Variants in CPPED1 observed in about 807,000 individuals in gnomAD.
CPPED1 encodes calcineurin like phosphoesterase domain containing 1, also known as serine/threonine-protein phosphatase CPPED1.
CPPED1 carries 28 observed loss-of-function variants against 28.0 expected under a neutral mutation model. The ratio of observed to expected loss-of-function variants is 1.00; its 90% CI spans 0.74 to 1.37. CPPED1 has a LOEUF of 1.37. CPPED1 is among the 40% of genes most tolerant of loss of function. The pLI, the probability that CPPED1 is intolerant of heterozygous loss-of-function variation, is 0.00. For missense variants in CPPED1, 504 were observed against 416.5 expected, an observed-to-expected ratio of 1.21 and a Z score of -1.83; for synonymous variants, 198 against 180.2, an observed-to-expected ratio of 1.10 and a Z score of -0.79.
Position 12,742,110 on chromosome 16 carries a change from T to C in CPPED1, c.290-37061A>G, listed in dbSNP as rs563570603. On this transcript the variant is annotated intron_variant, in intron 2 of 3. Coordinates refer to ENST00000381774, the MANE Select transcript of CPPED1 (RefSeq NM_018340.3). The stretch of plus-strand genomic sequence containing the variant: ...ATAAATAAATAAAATACTGCAAAAA[T>C]AGATATATTCTTACAAATACATGAA... Among the ~76,000 whole-genome samples the C allele has an allele frequency of 6.8e-4, 103 of 152,110 alleles. 1 individual carries two copies. The highest frequency in any genetic ancestry group is 2.1e-3 in the African/African-American group (86 of 41,500).
At position 12,670,493 on chromosome 16, in the gene CPPED1, T is replaced by C. The variant is rs1295710078; in HGVS notation, c.716-5378A>G. Reference sequence around the variant, plus strand: ...CATCCTGACTTCTGTTCAAAGAGTATAGTTTAAAGAGAAGGTTAAAAAAAA... The same window carrying C: ...CATCCTGACTTCTGTTCAAAGAGTACAGTTTAAAGAGAAGGTTAAAAAAAA... On this transcript the variant is annotated intron_variant, in intron 3 of 3. Coordinates refer to ENST00000381774, the MANE Select transcript of CPPED1 (RefSeq NM_018340.3). The surrounding 1 kb of genome is among the most constrained non-coding windows in gnomAD (Gnocchi z 4.2). 1.3e-5 allele frequency among the ~76,000 whole-genome samples: 2 copies of C among 151,662 alleles called. No individual in the cohort carries two copies. The highest frequency in any genetic ancestry group is 4.9e-5 in the African/African-American group (2 of 41,202).
chr16:12,766,262 G>T (rs189503839), intron 2 of CPPED1, among the ~76,000 whole-genome samples: 3,499 of 118,192 alleles, frequency 0.03, 225 homozygotes, highest in African/African-American at 0.11. Context: ...TATATAGAGA[G>T]AGAGAGAGAG....
chr16:12,789,411 C>T (rs2080583250), intron 1 of CPPED1, among the ~76,000 whole-genome samples: 1 of 152,196 alleles, frequency 6.6e-6, no homozygotes, highest in South Asian at 2.1e-4. Flanking sequence ...CTGCCACAGA[C>T]ATCACTCGCC....
In CPPED1 at chr16:12,664,396, C is replaced by CT; in HGVS notation, c.*489dup. 2 of 1,006,164 alleles carry CT rather than the reference C, an allele frequency of 2.0e-6. No homozygotes were observed. The highest frequency in any genetic ancestry group is 1.2e-6 in the Non-Finnish European group (1 of 844,364). The allele number at this position is 1,006,164 out of a possible 1,614,324, so 62.3% of individuals were successfully genotyped here. On this transcript the variant is annotated 3_prime_UTR_variant, in exon 4 of 4. Coordinates refer to ENST00000381774, the MANE Select transcript of CPPED1 (RefSeq NM_018340.3). The surrounding 1 kb of genome is among the most constrained non-coding windows in gnomAD (Gnocchi z 4.2). ...ATGGCTCTCACAACAAGGGAGACAGCTGTTCGTTCCGCTGGAAAGGAAAGG... is the reference window on the plus strand; with the variant it reads ...ATGGCTCTCACAACAAGGGAGACAGCTTGTTCGTTCCGCTGGAAAGGAAAGG...
chr16:12,767,656 C>T (rs2080447061), intron 2 of CPPED1, among the ~76,000 whole-genome samples: 1 of 152,176 alleles, frequency 6.6e-6, no homozygotes, highest in Admixed American at 6.5e-5. Context: ...GGTAAAGAAA[C>T]CTACGCCGAG....
chr16:12,768,794 T>C (rs1465933735), intron 2 of CPPED1, among the ~76,000 whole-genome samples: 6 of 152,348 alleles, frequency 3.9e-5, no homozygotes, highest in Admixed American at 3.3e-4. Context: ...CATGGATTTT[T>C]TTTCCCATCA....
intron 2 of CPPED1, among the ~76,000 whole-genome samples, chr16:12,767,658 T>G (rs2080447073): frequency 6.6e-6 from 1 of 152,174 alleles, no homozygotes; most frequent in African/African-American, 2.4e-5. Context: ...TAAAGAAACC[T>G]ACGCCGAGAA....
chr16:12,674,895 T>C (rs1315674718), intron 3 of CPPED1, among the ~76,000 whole-genome samples: 1 of 152,130 alleles, frequency 6.6e-6, no homozygotes, highest in Non-Finnish European at 1.5e-5. Flanking sequence ...GGGGGGAGCA[T>C]GGGTGTCAGT....
At chr16:12,784,842 AT>A (rs2080553426) in intron 1 of CPPED1, among the ~76,000 whole-genome samples, 1 of 152,254 alleles carries the variant, frequency 6.6e-6, no homozygotes, top group Non-Finnish European at 1.5e-5. Context: ...AATAGTCAGA[AT>A]TTCAAAAAGT....
At chr16:12,701,225 T>C (rs925395593) in intron 3 of CPPED1, among the ~76,000 whole-genome samples, 11 of 151,026 alleles carry the variant, frequency 7.3e-5, no homozygotes, top group Non-Finnish European at 3.0e-5. Context: ...TAAGACTCCA[T>C]CTCAAGAAAA....
intron 3 of CPPED1, among the ~76,000 whole-genome samples, chr16:12,667,006 G>A (rs182191273): frequency 4.0e-5 from 6 of 150,844 alleles, no homozygotes; most frequent in South Asian, 2.2e-4. Context: ...TGACTTCCCC[G>A]ATATTACCAT....
chr16:12,767,283 C>T (rs2080445102), intron 2 of CPPED1, among the ~76,000 whole-genome samples: 1 of 152,154 alleles, frequency 6.6e-6, no homozygotes, highest in Non-Finnish European at 1.5e-5. Context: ...GTAGACGTCT[C>T]AGCTCAAACA....
chr16:12,694,149 T>G (rs1320938328), intron 3 of CPPED1, among the ~76,000 whole-genome samples: 1 of 152,114 alleles, frequency 6.6e-6, no homozygotes, highest in Admixed American at 6.6e-5. Context: ...GAGGTTGCAA[T>G]GAGCCGAGAT....
At chr16:12,695,339 A>C (rs988339245) in intron 3 of CPPED1, among the ~76,000 whole-genome samples, 4 of 152,100 alleles carry the variant, frequency 2.6e-5, no homozygotes, top group African/African-American at 9.7e-5. Flanking sequence ...ATCACAGCTC[A>C]CTGCAGACTT....
chr16:12,705,034 G>C lies in CPPED1; in HGVS notation c.305C>G (p.Thr102Arg), dbSNP rs1347395908. Residue 102 changes from threonine to arginine, a missense_variant, in exon 3 of 4, where the codon ACG (threonine) becomes AGG (arginine). Coordinates refer to ENST00000381774, the MANE Select transcript of CPPED1 (RefSeq NM_018340.3). The stretch of plus-strand genomic sequence containing the variant: ...TCGCTTCAGGTCCTCCGTCTGCTCC[G>C]TCCGCCACGGCTTCCCTGGAAGAGT... ...IHAMPGKPWR[T>R]EQTEDLKRVL... 3 of 1,608,232 alleles carry C rather than the reference G, an allele frequency of 1.9e-6. No homozygotes were observed. The African/African-American group carries it at 4.0e-5, about 21-fold the overall frequency.
At chr16:12,693,158 T>C (rs373536968) in intron 3 of CPPED1, among the ~76,000 whole-genome samples, 151 of 152,300 alleles carry the variant, frequency 9.9e-4, no homozygotes, top group African/African-American at 2.7e-3. Context: ...AAGGTCCTGA[T>C]AGAGGGGCTC....
chr16:12,729,565 A>G (rs1298421525), intron 2 of CPPED1, among the ~76,000 whole-genome samples: 2 of 152,188 alleles, frequency 1.3e-5, no homozygotes, highest in Non-Finnish European at 2.9e-5. Context: ...CGACGTCTGG[A>G]GTACTGGTGA....
chr16:12,729,106 A>C (rs746051301), intron 2 of CPPED1, among the ~76,000 whole-genome samples: 3 of 152,090 alleles, frequency 2.0e-5, no homozygotes, highest in Non-Finnish European at 4.4e-5. Context: ...GAAGCCCCAG[A>C]GGGAGCCCTG....
intron 3 of CPPED1, among the ~76,000 whole-genome samples, chr16:12,688,419 A>C (rs1169722672): frequency 6.4e-5 from 9 of 141,318 alleles, no homozygotes; most frequent in Non-Finnish European, 1.1e-4. Flanking sequence ...TGCAACCTCC[A>C]CCTCTTCCTG....
Sources: gnomAD v4.1 joint callset for allele counts (sites outside exome capture counted in the v4.1 genomes callset) on GRCh38, gnomAD v4.1.1 for gene constraint, Gnocchi (gnomAD v3.1) non-coding constraint, MANE v1.5 for transcripts, NCBI Gene and HGNC (gene_info 2026-07-23, HGNC 2026-07-21) for gene names.